TMEM167B: variants seen among roughly 807,000 people sequenced by gnomAD.
TMEM167B encodes the protein transmembrane protein 167B, also known as protein kish-B.
A neutral mutation model predicts 9.4 loss-of-function variants in TMEM167B; 2 were observed. The observed-to-expected ratio is 0.21, with a 90% confidence interval of 0.09 to 0.67. TMEM167B has a LOEUF of 0.67. Ranked by LOEUF, TMEM167B falls within the 30% of genes least tolerant of loss-of-function variation. The probability of loss-of-function intolerance (pLI) is 0.82; values close to 1 mark genes in which losing one functional copy is unlikely to be tolerated. For missense variants in TMEM167B, 68 were observed against 87.6 expected, an observed-to-expected ratio of 0.78 and a Z score of 0.89; for synonymous variants, 28 against 32.0, an observed-to-expected ratio of 0.87 and a Z score of 0.42.
At chr1:109,091,134 C>T (rs1664439444) in intron 1 of TMEM167B, among the ~76,000 whole-genome samples, 1 of 152,200 alleles carries the variant, frequency 6.6e-6, no homozygotes, top group East Asian at 1.9e-4. Flanking sequence ...TTTCCCTTTT[C>T]TTTTTCTTAG....
At chr1:109,094,305 C>A in intron 2 of TMEM167B, 112 bp from the exon 3 acceptor site, 1 of 1,047,986 alleles carries the variant, frequency 9.5e-7, no homozygotes, top group South Asian at 1.4e-5. Context: ...CATCCCAGGC[C>A]CTTGAGAGCG....
chr1:109,094,632 C>G lies in TMEM167B; in HGVS notation c.*133C>G. 1 of 783,328 alleles carries G rather than the reference C, an allele frequency of 1.3e-6. No individual in the cohort carries two copies. 48.5% of individuals were successfully genotyped at this position (783,328 alleles called of 1,614,324 possible). A position where few individuals can be genotyped will look rare whatever the true frequency, so the allele number is the denominator to read the frequency against. ...CAGGATGACACCACAGCATCTGCCC[C>G]TGCTATATGTGGGGAAAACTCATGG... On this transcript the variant is annotated 3_prime_UTR_variant, in exon 3 of 3. Coordinates refer to ENST00000338272, the MANE Select transcript of TMEM167B (RefSeq NM_020141.4).
Position 109,096,023 on chromosome 1 carries a change from A to T in TMEM167B, c.*1524A>T, listed in dbSNP as rs1453569900. ...ATGGTGGACAAGTTAGCTGTGGTTGATTCCTGTGTGGCAGTAAATTGTCTT... is the reference window on the plus strand; with the variant it reads ...ATGGTGGACAAGTTAGCTGTGGTTGTTTCCTGTGTGGCAGTAAATTGTCTT... On this transcript the variant is annotated 3_prime_UTR_variant, in exon 3 of 3. Transcript: ENST00000338272. The T allele has an allele frequency of 6.6e-6, 1 of 152,234 alleles. No individual in the cohort carries two copies. Among genetic ancestry groups the T allele is most frequent in the Non-Finnish European group, 1.5e-5 (1 of 68,040 alleles). The allele number at this position is 152,234 out of a possible 1,614,324, so 9.4% of individuals were successfully genotyped here.
chr1:109,094,480 A>G lies in TMEM167B; in HGVS notation c.206A>G (p.Tyr69Cys), dbSNP rs920389898. 41 of 1,613,908 alleles carry G rather than the reference A, an allele frequency of 2.5e-5. 1 individual carries two copies. Among genetic ancestry groups the G allele is most frequent in the Non-Finnish European group, 3.5e-5 (41 of 1,180,008 alleles). ...ATTGCTTGTGTTGTAATGGCCTTTT[A>G]CGTCCTGTTTATAAAATGAATTCCA... is the stretch of plus-strand genomic sequence containing the variant. ...VAIACVVMAFYVLFIK is the reference protein window; with the variant it reads ...VAIACVVMAFCVLFIK The change falls in exon 3 of 3, where the codon TAC (tyrosine) becomes TGC (cysteine). Residue 69 changes from tyrosine (Y) to cysteine (C), a missense_variant. Tyr to Cys is a radical substitution (Grantham distance 194). Transcript: ENST00000338272.
In TMEM167B at chr1:109,095,469, AC is replaced by A. The variant is rs1410613560; in HGVS notation, c.*971del. On this transcript the variant is annotated 3_prime_UTR_variant, in exon 3 of 3. Transcript: ENST00000338272. Reference sequence around the variant, plus strand: ...ACTAGTAAATTCATCTAGTATAAGAACTTGTGATGTTAGATTGAAGTTTTGT... The same window carrying A: ...ACTAGTAAATTCATCTAGTATAAGAATTGTGATGTTAGATTGAAGTTTTGT... 3 of 152,190 alleles carry A rather than the reference AC, an allele frequency of 2.0e-5. No individual in the cohort carries two copies. Among genetic ancestry groups the A allele is most frequent in the African/African-American group, 7.2e-5 (3 of 41,448 alleles). The allele number at this position is 152,190 out of a possible 1,614,324, so 9.4% of individuals were successfully genotyped here.
At chr1:109,091,742 C>A (rs901114216) in intron 1 of TMEM167B, 1 of 152,126 alleles carries the variant, frequency 6.6e-6, no homozygotes, top group African/African-American at 2.4e-5. Flanking sequence ...AGGGGTAGCA[C>A]GTGAAGGTAT....
intron 2 of TMEM167B, chr1:109,093,280 C>T: frequency 2.4e-6 from 1 of 417,418 alleles, no homozygotes. Context: ...TTGCTTGTGT[C>T]CAGGAGTTGT....
chr1:109,094,568 A>T lies in TMEM167B; in HGVS notation c.*69A>T. The T allele has an allele frequency of 6.7e-7, 1 of 1,483,344 alleles. No homozygotes were observed. The highest frequency in any genetic ancestry group is 9.4e-7 in the Non-Finnish European group (1 of 1,063,226). 91.9% of individuals were successfully genotyped at this position (1,483,344 alleles called of 1,614,324 possible). ...GGATGAAGAACCTGTTGGAGACCTG[A>T]ACCCAGTGTAGGAGAGTTCAGCTGA... On this transcript the variant is annotated 3_prime_UTR_variant, in exon 3 of 3. Transcript: ENST00000338272.
rs939549244 is a variant in TMEM167B, at chr1:109,095,690, G to A, written c.*1191G>A. Reference sequence around the variant, plus strand: ...AGAGAAGTTGCTGATATTCATCAGTGTGTTTGGACAGTTCATAGGGTCCAC... The same window carrying A: ...AGAGAAGTTGCTGATATTCATCAGTATGTTTGGACAGTTCATAGGGTCCAC... On this transcript the variant is annotated 3_prime_UTR_variant, in exon 3 of 3. Coordinates refer to ENST00000338272, the MANE Select transcript of TMEM167B (RefSeq NM_020141.4). 5 of 152,180 alleles carry A rather than the reference G, an allele frequency of 3.3e-5. No individual in the cohort carries two copies. Among genetic ancestry groups the A allele is most frequent in the Non-Finnish European group, 5.9e-5 (4 of 68,030 alleles). 9.4% of individuals were successfully genotyped at this position (152,180 alleles called of 1,614,324 possible).
At chr1:109,092,844 A>T (rs983499538) in intron 1 of TMEM167B, 46 bp from the exon 2 acceptor site, 1 of 1,604,626 alleles carries the variant, frequency 6.2e-7, no homozygotes, top group African/African-American at 1.3e-5. Flanking sequence ...CACAGGTCCG[A>T]CGCTAGATCA....
In TMEM167B at chr1:109,096,266, GA is replaced by G. The variant is rs1418830174; in HGVS notation, c.*1768del. 6.6e-6 allele frequency: 1 copy of G among 152,210 alleles called. No individual in the cohort carries two copies. The highest frequency in any genetic ancestry group is 2.4e-5 in the African/African-American group (1 of 41,446). 9.4% of individuals were successfully genotyped at this position (152,210 alleles called of 1,614,324 possible). A position where few individuals can be genotyped will look rare whatever the true frequency, so the allele number is the denominator to read the frequency against. On this transcript the variant is annotated 3_prime_UTR_variant, in exon 3 of 3. Transcript: ENST00000338272. Reference sequence around the variant, plus strand: ...TCCATTGTCATTTCTGAGGACCTTTGAGATGAGAGAAAGGAAATCTAGTGGA... The same window carrying G: ...TCCATTGTCATTTCTGAGGACCTTTGGATGAGAGAAAGGAAATCTAGTGGA...
intron 1 of TMEM167B, among the ~76,000 whole-genome samples, chr1:109,091,392 G>GA (rs1302109949): frequency 1.3e-5 from 2 of 152,154 alleles, no homozygotes; most frequent in African/African-American, 4.8e-5. Flanking sequence ...AAGTCCTGGC[G>GA]GGGTGATCCC....
intron 2 of TMEM167B, chr1:109,093,776 GA>G (rs967553001): frequency 6.6e-6 from 1 of 151,380 alleles, no homozygotes; most frequent in Non-Finnish European, 1.5e-5. Flanking sequence ...ATTTTTTTTT[GA>G]AAAAGGACAA....
intron 1 of TMEM167B, 152 bp from the exon 2 acceptor site, chr1:109,092,738 C>G: frequency 1.1e-6 from 1 of 878,438 alleles, no homozygotes. Context: ...GTCCCAGGAT[C>G]CTGGCTCCCC....
At chr1:109,091,813 T>C (rs1008020147) in intron 1 of TMEM167B, 7 of 152,206 alleles carry the variant, frequency 4.6e-5, no homozygotes, top group Admixed American at 3.3e-4. Flanking sequence ...AGTGACAGCT[T>C]AGCTGTGAGA....
intron 2 of TMEM167B, 193 bp downstream of exon 2, chr1:109,093,214 G>A (rs1354532616): frequency 2.6e-5 from 19 of 733,626 alleles, no homozygotes; most frequent in Non-Finnish European, 3.8e-5. Context: ...AAAATTTGCT[G>A]GGTGTGATGG....
chr1:109,092,656 C>G (rs1450757496), intron 1 of TMEM167B, among the ~76,000 whole-genome samples: 2 of 152,050 alleles, frequency 1.3e-5, no homozygotes, highest in African/African-American at 2.4e-5. Flanking sequence ...ATTGCAGCCT[C>G]GAACTCCTGG....
chr1:109,093,104 G>T, intron 2 of TMEM167B, 83 bp downstream of exon 2: 2 of 1,533,158 alleles, frequency 1.3e-6, no homozygotes, highest in Non-Finnish European at 1.8e-6. Flanking sequence ...AGTGAGCTGG[G>T]ATTATATTTG....
chr1:109,091,015 T>G, intron 1 of TMEM167B, 133 bp downstream of exon 1: 1 of 1,012,594 alleles, frequency 9.9e-7, no homozygotes, highest in Admixed American at 3.4e-5. Context: ...TCGACGCCCC[T>G]AACTTCTGTA....
Sources: gnomAD v4.1 joint callset for allele counts (sites outside exome capture counted in the v4.1 genomes callset) on GRCh38, gnomAD v4.1.1 for gene constraint, MANE v1.5 for transcripts, NCBI Gene and HGNC (gene_info 2026-07-23, HGNC 2026-07-21) for gene names.